The following RHPN2 variants were observed in gnomAD, a reference collection of about 807,000 sequenced individuals.
RHPN2 encodes the protein rhophilin-2.
Under a neutral mutation model 79.0 loss-of-function variants are expected in RHPN2, and 40 were observed. The ratio of observed to expected loss-of-function variants is 0.51; its 90% confidence interval spans 0.39 to 0.66. The LOEUF (loss-of-function observed/expected upper bound fraction) is 0.66, where lower values mean the gene tolerates loss of function less well. Among genes scored for constraint, RHPN2 ranks in the 30% least tolerant of loss-of-function variants. RHPN2 has a pLI of 0.00. For missense variants in RHPN2, 686 were observed against 883.5 expected (o/e 0.78, Z 2.83); for synonymous variants, 285 against 363.5 (o/e 0.78, Z 2.46).
At chr19:33,025,949 T>A (rs1971962117) in intron 3 of RHPN2, among the ~76,000 whole-genome samples, 2 of 152,048 alleles carry the variant, frequency 1.3e-5, no homozygotes, top group Admixed American at 1.3e-4. Flanking sequence ...TCATCACGTA[T>A]ATTTACACTA....
chr19:33,044,411 AATG>A (rs757492539), intron 1 of RHPN2, 47 bp from the exon 2 acceptor site: 1 of 1,215,078 alleles, frequency 8.2e-7, no homozygotes, highest in Non-Finnish European at 1.2e-6. Flanking sequence ...CCACTCTAAA[AATG>A]ATGACAGGGT....
At chr19:33,002,736 G>C in intron 8 of RHPN2, 77 bp downstream of exon 8, 1 of 1,530,618 alleles carries the variant, frequency 6.5e-7, no homozygotes, top group East Asian at 2.3e-5. Context: ...CCCATGGGAA[G>C]GCCCCGCTAC....
At chr19:32,992,018 C>T (rs773059341) in intron 12 of RHPN2, 49 bp from the exon 13 acceptor site, 20 of 1,610,076 alleles carry the variant, frequency 1.2e-5, no homozygotes, top group Middle Eastern at 1.7e-4. Flanking sequence ...CTGGATCAGA[C>T]GCTTGAAAGC....
At chr19:33,041,672 A>G (rs1299770203) in intron 2 of RHPN2, among the ~76,000 whole-genome samples, 2 of 152,178 alleles carry the variant, frequency 1.3e-5, no homozygotes, top group African/African-American at 4.8e-5. Context: ...CCCTGCTCAC[A>G]GGGGCCTCTC....
intron 1 of RHPN2, among the ~76,000 whole-genome samples, chr19:33,047,406 G>A (rs1049131070): frequency 6.6e-6 from 1 of 152,298 alleles, no homozygotes; most frequent in East Asian, 1.9e-4. Context: ...CACGCTAAAA[G>A]TTTAAGATCA....
Position 33,002,403 on chromosome 19 carries a change from C to G in RHPN2, c.949G>C (p.Val317Leu), listed in dbSNP as rs1404259146. The change falls in exon 9 of 15, where the codon GTG becomes CTG. Residue 317 changes from valine (V) to leucine (L), a missense_variant and splice_region_variant. Coordinates refer to ENST00000254260, the MANE Select transcript of RHPN2 (RefSeq NM_033103.5). ...LVKVAQEAAK[V>L]GEVYQQLHAA... ...TGTAGCTGTTGGTAGACCTCTCCCA[C>G]CTGAAATAGAAGGGACACTGGGAAG... is the stretch of plus-strand genomic sequence containing the variant. 2 of 1,613,916 alleles carry G rather than the reference C, an allele frequency of 1.2e-6. No individual in the cohort carries two copies. The highest frequency in any genetic ancestry group is 3.3e-5 in the Admixed American group (2 of 60,002).
intron 14 of RHPN2, among the ~76,000 whole-genome samples, chr19:32,981,452 A>G: frequency 1.6e-5 from 2 of 126,642 alleles, no homozygotes; most frequent in Admixed American, 1.7e-4. Context: ...AGGGGAAAGG[A>G]AGGGAAGAGG....
At chr19:33,006,428 T>G (rs1302889108) in intron 7 of RHPN2, among the ~76,000 whole-genome samples, 1 of 152,152 alleles carries the variant, frequency 6.6e-6, no homozygotes, top group African/African-American at 2.4e-5. Flanking sequence ...CCAATCATTA[T>G]AACATCAGAA....
chr19:33,009,248 T>G (rs781317198), intron 6 of RHPN2, among the ~76,000 whole-genome samples: 2 of 151,788 alleles, frequency 1.3e-5, no homozygotes, highest in Non-Finnish European at 1.5e-5. Context: ...TAATGGAAAC[T>G]ATGGACTCTG....
intron 12 of RHPN2, among the ~76,000 whole-genome samples, chr19:32,993,348 C>A (rs1971676168): frequency 6.6e-6 from 1 of 151,942 alleles, no homozygotes; most frequent in African/African-American, 2.4e-5. Flanking sequence ...GTGGCACAGG[C>A]CTGTAATCCC....
At chr19:33,056,338 C>T (rs1320991495) in intron 1 of RHPN2, among the ~76,000 whole-genome samples, 1 of 151,872 alleles carries the variant, frequency 6.6e-6, no homozygotes, top group Non-Finnish European at 1.5e-5. Context: ...TCTCGAACTC[C>T]CAACCTCAGG....
intron 5 of RHPN2, among the ~76,000 whole-genome samples, chr19:33,012,327 C>T (rs545854429): frequency 1.6e-4 from 24 of 152,194 alleles, no homozygotes; most frequent in African/African-American, 5.8e-4. Context: ...CCAGCATGCA[C>T]CACCACGCCC....
intron 12 of RHPN2, among the ~76,000 whole-genome samples, chr19:32,992,451 A>G (rs1462841436): frequency 2.0e-5 from 3 of 152,128 alleles, no homozygotes; most frequent in Non-Finnish European, 4.4e-5. Flanking sequence ...TCAGCCTCCC[A>G]AAGTGCTGGG....
intron 1 of RHPN2, among the ~76,000 whole-genome samples, chr19:33,052,061 T>C (rs1042087226): frequency 6.6e-6 from 1 of 151,664 alleles, no homozygotes; most frequent in African/African-American, 2.4e-5. Context: ...TGCTGGCACC[T>C]TGATCTTGGA....
At chr19:33,035,195 G>A (rs8106976) in intron 2 of RHPN2, among the ~76,000 whole-genome samples, 3,524 of 152,148 alleles carry the variant, frequency 0.023, 127 homozygotes, top group African/African-American at 0.081. Flanking sequence ...TTGAACTCCT[G>A]ACCTCAAGTG....
At chr19:33,063,795 G>GCCGGCAC (rs1972301711) in intron 1 of RHPN2, among the ~76,000 whole-genome samples, 1 of 125,210 alleles carries the variant, frequency 8.0e-6, no homozygotes, top group African/African-American at 3.8e-5. Context: ...AACCTGCGAG[G>GCCGGCAC]CCGGCACCCG....
At chr19:33,033,466 T>A (rs188773729) in intron 2 of RHPN2, among the ~76,000 whole-genome samples, 2 of 152,290 alleles carry the variant, frequency 1.3e-5, no homozygotes, top group East Asian at 3.9e-4. Context: ...CTCGGGAGGC[T>A]GAGGCAGGAG....
At chr19:33,004,792 G>A (rs1342874092) in intron 7 of RHPN2, among the ~76,000 whole-genome samples, 1 of 151,544 alleles carries the variant, frequency 6.6e-6, no homozygotes, top group Non-Finnish European at 1.5e-5. Context: ...TCACCATGTT[G>A]GCCAGGCTGG....
chr19:33,001,481 G>A (rs1186868799), intron 9 of RHPN2, among the ~76,000 whole-genome samples: 1 of 152,022 alleles, frequency 6.6e-6, no homozygotes. Flanking sequence ...GTTCAAGAAG[G>A]CAGTGAGCCA....
Sources: allele counts gnomAD v4.1 joint callset (sites outside exome capture counted in the v4.1 genomes callset), GRCh38; gene constraint gnomAD v4.1.1; transcripts MANE v1.5; gene names NCBI Gene and HGNC (gene_info 2026-07-23, HGNC 2026-07-21).